Variants in INTS4 observed in about 807,000 individuals in gnomAD.
INTS4 encodes MSTP093.
Under a neutral mutation model 119.5 loss-of-function variants are expected in INTS4, and 70 were observed. The observed-to-expected ratio is 0.59, with a 90% confidence interval of 0.48 to 0.71. The LOEUF (loss-of-function observed/expected upper bound fraction) is 0.71. Ranked by LOEUF, INTS4 falls within the 30% of genes least tolerant of loss-of-function variation. The probability of loss-of-function intolerance (pLI) is 0.00; values close to 1 mark genes in which losing one functional copy is unlikely to be tolerated. For synonymous variants in INTS4, 316 were observed against 419.6 expected (o/e 0.75, Z 3.02); for missense variants, 867 against 1,173.2 (o/e 0.74, Z 3.81).
chr11:77,904,473 T>A (rs993515510), intron 16 of INTS4, among the ~76,000 whole-genome samples: 1 of 152,222 alleles, frequency 6.6e-6, no homozygotes, highest in Non-Finnish European at 1.5e-5. Flanking sequence ...TTTAAATTAT[T>A]AATTAGTTTA....
At chr11:77,972,904 T>C (rs1442449584) in intron 4 of INTS4, among the ~76,000 whole-genome samples, 3 of 151,440 alleles carry the variant, frequency 2.0e-5, no homozygotes, top group Non-Finnish European at 4.4e-5. Flanking sequence ...TAATCAAGGC[T>C]CATAAGGCTC....
At chr11:77,926,310 T>G (rs1004452093) in intron 11 of INTS4, among the ~76,000 whole-genome samples, 1 of 152,164 alleles carries the variant, frequency 6.6e-6, no homozygotes, top group African/African-American at 2.4e-5. Flanking sequence ...TAGTCTACTG[T>G]AAGTTTATAT....
At chr11:77,891,062 C>T (rs1184013827) in intron 21 of INTS4, among the ~76,000 whole-genome samples, 1 of 152,156 alleles carries the variant, frequency 6.6e-6, no homozygotes. Flanking sequence ...GTCCTGGGGG[C>T]TTTAAATACA....
downstream of INTS4, among the ~76,000 whole-genome samples, chr11:77,878,496 C>T (rs1185041329): frequency 6.6e-6 from 1 of 152,006 alleles, no homozygotes; most frequent in African/African-American, 2.4e-5. Flanking sequence ...CCTTCAGCAA[C>T]TGTCAATGGT....
At chr11:77,885,135 T>C (rs1334308445) in intron 21 of INTS4, among the ~76,000 whole-genome samples, 1 of 152,076 alleles carries the variant, frequency 6.6e-6, no homozygotes, top group African/African-American at 2.4e-5. Flanking sequence ...TGAACTGCAG[T>C]GGCATGATCT....
At chr11:77,918,216 G>C in intron 15 of INTS4, 2 of 655,218 alleles carry the variant, frequency 3.1e-6, no homozygotes, top group Non-Finnish European at 5.6e-6. Flanking sequence ...AGGATCACTT[G>C]AGCTCAGGAG....
chr11:77,973,392 A>G (rs1855807951), intron 4 of INTS4, among the ~76,000 whole-genome samples: 1 of 152,140 alleles, frequency 6.6e-6, no homozygotes, highest in Admixed American at 6.6e-5. Context: ...AAAATAGAGG[A>G]CTTTTATTTC....
chr11:77,878,687 C>T (rs565807452), downstream of INTS4: 123 of 681,764 alleles, frequency 1.8e-4, no homozygotes, highest in Middle Eastern at 3.5e-3. Context: ...TATAGCCACA[C>T]GCATTTCTTT....
chr11:77,918,815 C>G lies in INTS4; in HGVS notation c.1922+6G>C. Reference sequence around the variant, plus strand: ...ACTCTGTCAGATGAAGGGATGATTACCCTACCTGATGGTGAATTCCAGCAG... The same window carrying G: ...ACTCTGTCAGATGAAGGGATGATTAGCCTACCTGATGGTGAATTCCAGCAG... On this transcript the variant is annotated splice_donor_region_variant and intron_variant, in intron 15 of 22. Transcript: ENST00000534064. 2 of 1,612,364 alleles carry G rather than the reference C, an allele frequency of 1.2e-6. No individual in the cohort carries two copies. The highest frequency in any genetic ancestry group is 1.7e-6 in the Non-Finnish European group (2 of 1,179,434).
In INTS4 at chr11:77,907,784, T is replaced by G; in HGVS notation, c.1949A>C (p.Gln650Pro). The change falls in exon 16 of 23, where the codon CAA becomes CCA. Residue 650 changes from glutamine (Q) to proline (P), a missense_variant. Transcript: ENST00000534064. Reference sequence around the variant, plus strand: ...ATCAGCTACTCCTGCCAATTCAGATTGAAGTTCTCCAAGTCTTTGCAGATC... The same window carrying G: ...ATCAGCTACTCCTGCCAATTCAGATGGAAGTTCTCCAAGTCTTTGCAGATC... ...IRDLQRLGEL[Q>P]SELAGVADFS... is the part of the protein sequence containing the mutation. 1 of 1,613,532 alleles carries G rather than the reference T, an allele frequency of 6.2e-7. No individual in the cohort carries two copies. The highest frequency in any genetic ancestry group is 8.5e-7 in the Non-Finnish European group (1 of 1,179,572).
chr11:77,933,700 A>G (rs1468528985), intron 10 of INTS4, among the ~76,000 whole-genome samples: 2 of 148,768 alleles, frequency 1.3e-5, no homozygotes, highest in Non-Finnish European at 3.0e-5. Context: ...CTGGGATGTG[A>G]GGAGCCCCTC....
chr11:77,991,281 T>C lies in INTS4; in HGVS notation c.73A>G (p.Thr25Ala), dbSNP rs867005044. Reference sequence around the variant, plus strand: ...GGTTTTGTTAGTCGGAGTTTCTTAGTAGCAATTTCCTCCTGTGGCTGCAAG... The same window carrying C: ...GGTTTTGTTAGTCGGAGTTTCTTAGCAGCAATTTCCTCCTGTGGCTGCAAG... The part of the protein sequence containing the change: ...KVVQPQEEIA[T>A]KKLRLTKPSK... Residue 25 changes from threonine (T) to alanine (A), a missense_variant, in exon 2 of 23, where the codon ACT becomes GCT. Thr to Ala is a moderately conservative substitution (Grantham distance 58). Coordinates refer to ENST00000534064, the MANE Select transcript of INTS4 (RefSeq NM_033547.4). The C allele has an allele frequency of 4.3e-6, 7 of 1,613,360 alleles. No homozygotes were observed. The African/African-American group carries it at 6.7e-5, about 15-fold the overall frequency.
At chr11:77,969,307 C>T (rs563406582) in intron 4 of INTS4, among the ~76,000 whole-genome samples, 125 of 152,118 alleles carry the variant, frequency 8.2e-4, no homozygotes, top group Non-Finnish European at 1.3e-3. Context: ...AAAACGTACG[C>T]AATTCTCCCA....
At chr11:77,976,120 G>A (rs1302397125) in intron 4 of INTS4, among the ~76,000 whole-genome samples, 1 of 137,114 alleles carries the variant, frequency 7.3e-6, no homozygotes, top group Non-Finnish European at 1.6e-5. Context: ...TCAAAAAAGA[G>A]ATTTTTTAAA....
rs1208675501 is a variant in INTS4 at position 77,907,776 on chromosome 11, A to G, written c.1957T>C (p.Leu653=). The stretch of plus-strand genomic sequence containing the variant: ...GCAGAGAAATCAGCTACTCCTGCCA[A>G]TTCAGATTGAAGTTCTCCAAGTCTT... The part of the protein sequence containing the change: ...LQRLGELQSE[L]AGVADFSATY... Residue 653 remains leucine, a synonymous_variant, in exon 16 of 23, where the codon TTG becomes CTG. Transcript: ENST00000534064. 3.1e-6 allele frequency: 5 copies of G among 1,613,870 alleles called. No individual in the cohort carries two copies. Among genetic ancestry groups the G allele is most frequent in the Non-Finnish European group, 4.2e-6 (5 of 1,179,812 alleles).
At chr11:77,910,289 T>C (rs1226206820) in intron 15 of INTS4, among the ~76,000 whole-genome samples, 1 of 151,810 alleles carries the variant, frequency 6.6e-6, no homozygotes, top group Non-Finnish European at 1.5e-5. Flanking sequence ...TCATGTCCTT[T>C]GTAGGGACAT....
intron 8 of INTS4, among the ~76,000 whole-genome samples, chr11:77,949,081 C>G (rs1954122619): frequency 6.6e-6 from 1 of 152,030 alleles, no homozygotes; most frequent in South Asian, 2.1e-4. Flanking sequence ...CGCGGAACCG[C>G]ACTCCAGCCT....
intron 21 of INTS4, among the ~76,000 whole-genome samples, chr11:77,885,666 A>G (rs542610184): frequency 6.6e-6 from 1 of 152,100 alleles, no homozygotes; most frequent in East Asian, 2.0e-4. Flanking sequence ...TAAAAATACA[A>G]AAATTAGCTG....
At chr11:77,878,689 C>T, downstream of INTS4, 2 of 684,528 alleles carry the variant, frequency 2.9e-6, no homozygotes, top group Non-Finnish European at 5.3e-6. Context: ...TAGCCACACG[C>T]ATTTCTTTAC....
Sources: gnomAD v4.1 joint callset for allele counts (sites outside exome capture counted in the v4.1 genomes callset) on GRCh38, gnomAD v4.1.1 for gene constraint, MANE v1.5 for transcripts, NCBI Gene and HGNC (gene_info 2026-07-23, HGNC 2026-07-21) for gene names.